Variants in CALN1 observed in about 807,000 individuals in gnomAD.
CALN1 encodes calcium-binding protein 8.
Under a neutral mutation model 30.6 loss-of-function variants are expected in CALN1, and 17 were observed. The observed-to-expected ratio is 0.56, with a 90% confidence interval of 0.38 to 0.83. The LOEUF (loss-of-function observed/expected upper bound fraction) is 0.83, where lower values mean the gene tolerates loss of function less well. Ranked by LOEUF, CALN1 falls within the 40% of genes least tolerant of loss-of-function variation. The probability of loss-of-function intolerance (pLI) is 0.00; values close to 1 mark genes in which losing one functional copy is unlikely to be tolerated. For synonymous variants in CALN1, 156 were observed against 131.4 expected (o/e 1.19, Z -1.28); for missense variants, 291 against 354.9 (o/e 0.82, Z 1.45).
intron 2 of CALN1, among the ~76,000 whole-genome samples, chr7:72,364,746 C>A (rs1431035950): frequency 6.6e-6 from 1 of 152,128 alleles, no homozygotes; most frequent in Admixed American, 6.5e-5. Context: ...TTTAATCATC[C>A]CACGTTGTAT....
chr7:72,247,661 G>A (rs1207221549), intron 3 of CALN1, among the ~76,000 whole-genome samples: 1 of 152,142 alleles, frequency 6.6e-6, no homozygotes, highest in Admixed American at 6.5e-5. Flanking sequence ...TCCTGTGGTT[G>A]CTGCGACCAG....
chr7:72,135,212 T>G (rs1809422568), intron 3 of CALN1, among the ~76,000 whole-genome samples: 1 of 152,210 alleles, frequency 6.6e-6, no homozygotes, highest in Non-Finnish European at 1.5e-5. Context: ...AAACTCCTGT[T>G]AAATGTTGAT....
At chr7:71,829,531 G>A (rs1194699639) in intron 5 of CALN1, among the ~76,000 whole-genome samples, 1 of 152,234 alleles carries the variant, frequency 6.6e-6, no homozygotes, top group Non-Finnish European at 1.5e-5. Flanking sequence ...TGTCTGTAAA[G>A]TAAAGGGCTT....
intron 3 of CALN1, among the ~76,000 whole-genome samples, chr7:72,130,141 A>G (rs1184912395): frequency 6.6e-6 from 1 of 152,074 alleles, no homozygotes; most frequent in Non-Finnish European, 1.5e-5. Context: ...TCTTGCCCTG[A>G]TTTGACACAA....
At chr7:72,334,522 A>ACCCCCC (rs199877727) in intron 2 of CALN1, among the ~76,000 whole-genome samples, 1 of 151,454 alleles carries the variant, frequency 6.6e-6, no homozygotes, top group African/African-American at 2.4e-5. Flanking sequence ...CTCAACCTGT[A>ACCCCCC]CCCCCCCTCC....
intron 3 of CALN1, among the ~76,000 whole-genome samples, chr7:72,191,546 C>A (rs1790602412): frequency 8.6e-6 from 1 of 116,562 alleles, no homozygotes; most frequent in African/African-American, 3.5e-5. Context: ...AGGTGAGACT[C>A]CGTCTCAAAA....
At chr7:71,948,828 AC>A (rs1423031407) in intron 5 of CALN1, among the ~76,000 whole-genome samples, 3 of 151,618 alleles carry the variant, frequency 2.0e-5, no homozygotes, top group Admixed American at 6.6e-5. Context: ...GACTGCTTGA[AC>A]CCAGGAGTTC....
intron 5 of CALN1, among the ~76,000 whole-genome samples, chr7:71,959,226 G>C (rs1797116841): frequency 6.6e-6 from 1 of 152,102 alleles, no homozygotes. Context: ...CCTTCTGCCT[G>C]GTCTTAAATG....
At chr7:72,483,747 T>G in the CALN1 span, among the ~76,000 whole-genome samples, 1 of 152,248 alleles carries the variant, frequency 6.6e-6, no homozygotes, top group African/African-American at 2.4e-5. Flanking sequence ...ATTCGGTTGC[T>G]TGAAGTTGTC....
chr7:71,836,482 C>T (rs529432594), intron 5 of CALN1, among the ~76,000 whole-genome samples: 3 of 152,246 alleles, frequency 2.0e-5, no homozygotes, highest in African/African-American at 7.2e-5. Context: ...TGACTTTCAC[C>T]TTCATAGAGA....
intron 5 of CALN1, among the ~76,000 whole-genome samples, chr7:71,849,250 A>G (rs933352277): frequency 1.3e-5 from 2 of 152,164 alleles, no homozygotes; most frequent in African/African-American, 4.8e-5. Context: ...TGAATATCCC[A>G]TCCTTAGCCC....
chr7:72,376,639 T>G (rs898207328), intron 2 of CALN1, among the ~76,000 whole-genome samples: 8 of 152,248 alleles, frequency 5.3e-5, no homozygotes, highest in African/African-American at 1.9e-4. Context: ...TGCAAATATT[T>G]TATCCCATTC....
chr7:72,497,736 G>A, the CALN1 span, among the ~76,000 whole-genome samples: 1 of 151,980 alleles, frequency 6.6e-6, no homozygotes, highest in Non-Finnish European at 1.5e-5. Context: ...TCTCTACAAT[G>A]TATCATCCAC....
rs372959448 is a variant in CALN1 at position 72,037,397 on chromosome 7, G to A, written c.389-13628C>T. ...CATCTCCTGACCTTGTGATCCACCC[G>A]CCTCGGCCTCCCAAAGTGCTGGGAT... On this transcript the variant is annotated intron_variant, in intron 4 of 6. Transcript: ENST00000395275. 1.6e-3 allele frequency among the ~76,000 whole-genome samples: 248 copies of A among 152,080 alleles called. 1 individual carries two copies. Among genetic ancestry groups the A allele is most frequent in the African/African-American group, 5.5e-3 (229 of 41,490 alleles).
In CALN1 at chr7:72,068,376, C is replaced by T. The variant is rs117153812; in HGVS notation, c.388+37775G>A. ...TTTTTCCCACAACCCTTTAACTACA[C>T]GCACACCACTTTGAATCCCAGTGGT... On this transcript the variant is annotated intron_variant, in intron 4 of 6. Transcript: ENST00000395275. Among the ~76,000 whole-genome samples the T allele has an allele frequency of 1.7e-3, 262 of 152,318 alleles. 5 individuals are homozygous for T. The East Asian group carries it at 0.035, about 20-fold the overall frequency.
intron 2 of CALN1, among the ~76,000 whole-genome samples, chr7:72,388,923 C>T (rs1419533082): frequency 6.6e-6 from 1 of 152,172 alleles, no homozygotes; most frequent in Non-Finnish European, 1.5e-5. Flanking sequence ...TTTGGGCTTC[C>T]TCTCAGCTCT....
intron 4 of CALN1, among the ~76,000 whole-genome samples, chr7:72,093,381 G>A (rs994164215): frequency 7.2e-5 from 11 of 152,082 alleles, no homozygotes; most frequent in Non-Finnish European, 1.5e-4. Context: ...AGATGGCACC[G>A]TACACTCGTA....
intron 6 of CALN1, among the ~76,000 whole-genome samples, chr7:71,798,462 C>T (rs959590104): frequency 1.3e-5 from 2 of 151,950 alleles, no homozygotes; most frequent in African/African-American, 4.8e-5. Flanking sequence ...CTGCACCATG[C>T]TTGGCTAATT....
intron 2 of CALN1, among the ~76,000 whole-genome samples, chr7:72,296,606 G>C (rs896964149): frequency 2.8e-5 from 4 of 141,220 alleles, no homozygotes; most frequent in Non-Finnish European, 6.2e-5. Flanking sequence ...TGTATGTGTC[G>C]AGGAATTTAT....
Sources: allele counts gnomAD v4.1 joint callset (sites outside exome capture counted in the v4.1 genomes callset), GRCh38; gene constraint gnomAD v4.1.1; transcripts MANE v1.5; gene names NCBI Gene and HGNC (gene_info 2026-07-23, HGNC 2026-07-21).